The following MRTFB variants were observed in gnomAD, a reference collection of about 807,000 sequenced individuals.
MRTFB encodes the protein myocardin-related transcription factor B.
In MRTFB, 29 loss-of-function variants were observed where a neutral mutation model predicts 104.2. The ratio of observed to expected loss-of-function variants is 0.28; its 90% CI spans 0.21 to 0.38. MRTFB has a LOEUF of 0.38. Among genes scored for constraint, MRTFB ranks in the 10% least tolerant of loss-of-function variants. The probability of loss-of-function intolerance (pLI) is 1.00; values close to 1 mark genes in which losing one functional copy is unlikely to be tolerated. For synonymous variants in MRTFB, 535 were observed against 519.5 expected (o/e 1.03, Z -0.41); for missense variants, 1,270 against 1,341.6 (o/e 0.95, Z 0.83).
chr16:14,036,296 T>TTATATATA, the MRTFB span, among the ~76,000 whole-genome samples: 1,716 of 98,264 alleles, frequency 0.017, 103 homozygotes, highest in Admixed American at 0.1. Context: ...TTATATATAT[T>TTATATATA]TATATATATA....
intron 3 of MRTFB, chr16:14,186,907 CTCT>C: frequency 1.2e-5 from 19 of 1,598,214 alleles, no homozygotes; most frequent in Admixed American, 1.7e-5. Flanking sequence ...CTTCAGAAGC[CTCT>C]CACCATGATC....
intron 2 of MRTFB, among the ~76,000 whole-genome samples, chr16:14,096,419 A>G (rs1318442722): frequency 1.3e-5 from 2 of 152,204 alleles, no homozygotes; most frequent in African/African-American, 2.4e-5. Context: ...AGGAATTCTG[A>G]AGCACGTGTC....
At chr16:14,159,929 C>CAAAAAAAAAAAA (rs552159164) in intron 3 of MRTFB, among the ~76,000 whole-genome samples, 57 of 55,624 alleles carry the variant, frequency 1.0e-3, no homozygotes, top group Admixed American at 1.6e-3. Context: ...GACTCCGTCT[C>CAAAAAAAAAAAA]AAAAAAAAAA....
At chr16:14,131,090 T>C (rs764199605) in intron 2 of MRTFB, among the ~76,000 whole-genome samples, 39 of 152,314 alleles carry the variant, frequency 2.6e-4, no homozygotes, top group Admixed American at 1.2e-3. Flanking sequence ...AATTAAGCTT[T>C]ATTGAGGTTA....
intron 2 of MRTFB, among the ~76,000 whole-genome samples, chr16:14,088,075 A>G (rs1007565810): frequency 2.6e-5 from 4 of 152,200 alleles, no homozygotes; most frequent in African/African-American, 7.2e-5. Context: ...GGAATAATTT[A>G]TGTAATACGA....
intron 2 of MRTFB, among the ~76,000 whole-genome samples, chr16:14,111,399 G>T (rs1172169828): frequency 6.6e-6 from 1 of 152,194 alleles, no homozygotes; most frequent in Admixed American, 6.5e-5. Flanking sequence ...CAGTGATGAG[G>T]GGGTGGTGCT....
intron 3 of MRTFB, among the ~76,000 whole-genome samples, chr16:14,183,576 C>G (rs532719137): frequency 2.0e-5 from 3 of 151,938 alleles, no homozygotes; most frequent in African/African-American, 7.2e-5. Context: ...TCAATATCAT[C>G]TTGATATTGA....
At chr16:14,159,128 C>G (rs922118974) in intron 3 of MRTFB, among the ~76,000 whole-genome samples, 1 of 152,122 alleles carries the variant, frequency 6.6e-6, no homozygotes, top group East Asian at 1.9e-4. Flanking sequence ...TGAGACCTCA[C>G]TAGGTGTGTT....
At chr16:14,014,308 A>C in the MRTFB span, among the ~76,000 whole-genome samples, 2 of 151,320 alleles carry the variant, frequency 1.3e-5, no homozygotes, top group African/African-American at 4.9e-5. Flanking sequence ...CACTTTGGGG[A>C]GGCTGGGATG....
At chr16:14,041,475 T>A in the MRTFB span, among the ~76,000 whole-genome samples, 7 of 152,216 alleles carry the variant, frequency 4.6e-5, no homozygotes, top group Admixed American at 4.6e-4. Flanking sequence ...CTCAGCATAA[T>A]GTTCATCCGT....
chr16:14,034,916 TCTC>T, the MRTFB span, among the ~76,000 whole-genome samples: 1 of 152,022 alleles, frequency 6.6e-6, no homozygotes, highest in African/African-American at 2.4e-5. Flanking sequence ...AGCCAGGACT[TCTC>T]CTTGAGTGTC....
intron 2 of MRTFB, among the ~76,000 whole-genome samples, chr16:14,087,739 G>A (rs1374547018): frequency 6.6e-6 from 1 of 152,078 alleles, no homozygotes; most frequent in Non-Finnish European, 1.5e-5. Context: ...CTGTCAGTGT[G>A]AAAGGATATC....
intron 1 of MRTFB, among the ~76,000 whole-genome samples, chr16:14,078,708 G>C (rs928602370): frequency 2.6e-5 from 4 of 151,930 alleles, no homozygotes; most frequent in African/African-American, 9.7e-5. Flanking sequence ...GGAATTACTG[G>C]TGTAAGCCAC....
chr16:14,164,928 GAAA>G (rs370746479), intron 3 of MRTFB, among the ~76,000 whole-genome samples: 1 of 143,886 alleles, frequency 6.9e-6, no homozygotes, highest in Non-Finnish European at 1.5e-5. Flanking sequence ...GTAGAAGAAG[GAAA>G]AAAAAAGCTG....
chr16:14,040,617 C>T, the MRTFB span, among the ~76,000 whole-genome samples: 1 of 152,054 alleles, frequency 6.6e-6, no homozygotes, highest in African/African-American at 2.4e-5. Context: ...CACCTGCCAC[C>T]ACAACCGGCT....
intron 8 of MRTFB, among the ~76,000 whole-genome samples, chr16:14,226,288 C>G (rs1228496319): frequency 6.6e-6 from 1 of 152,128 alleles, no homozygotes; most frequent in East Asian, 1.9e-4. Flanking sequence ...CTCATGCTTC[C>G]TAATTTCGAA....
the MRTFB span, among the ~76,000 whole-genome samples, chr16:14,040,911 C>A: frequency 6.6e-6 from 1 of 152,034 alleles, no homozygotes; most frequent in South Asian, 2.1e-4. Flanking sequence ...CCCAGGAGTT[C>A]GAGACCAGCC....
At chr16:14,014,310 G>T in the MRTFB span, among the ~76,000 whole-genome samples, 2 of 151,788 alleles carry the variant, frequency 1.3e-5, no homozygotes, top group African/African-American at 4.8e-5. Flanking sequence ...CTTTGGGGAG[G>T]CTGGGATGGG....
chr16:14,228,042 G>C (rs1470455873), intron 8 of MRTFB, among the ~76,000 whole-genome samples: 1 of 151,682 alleles, frequency 6.6e-6, no homozygotes, highest in Non-Finnish European at 1.5e-5. Flanking sequence ...CAAGATACTG[G>C]ATATCACTAA....
Sources: gnomAD v4.1 joint callset for allele counts (sites outside exome capture counted in the v4.1 genomes callset) on GRCh38, gnomAD v4.1.1 for gene constraint, MANE v1.5 for transcripts, NCBI Gene and HGNC (gene_info 2026-07-23, HGNC 2026-07-21) for gene names.